The following FBXL17 variants were observed in gnomAD, a reference collection of about 807,000 sequenced individuals.
The protein encoded by FBXL17 is F-box and leucine rich repeat protein 17.
Under a neutral mutation model 66.2 loss-of-function variants are expected in FBXL17, and 22 were observed. That is an observed-to-expected ratio of 0.33 (90% confidence interval 0.24 to 0.47). FBXL17 has a LOEUF of 0.47. Ranked by LOEUF, FBXL17 falls within the 20% of genes least tolerant of loss-of-function variation. The pLI is 1.00. For synonymous variants in FBXL17, 474 were observed against 400.5 expected (o/e 1.18, Z -2.19); for missense variants, 878 against 948.2 (o/e 0.93, Z 0.97).
At chr5:108,070,496 GTA>G (rs1339845916) in intron 6 of FBXL17, among the ~76,000 whole-genome samples, 3 of 152,124 alleles carry the variant, frequency 2.0e-5, no homozygotes, top group Non-Finnish European at 2.9e-5. Flanking sequence ...CTTAATAAGG[GTA>G]TACCTTATCA....
intron 7 of FBXL17, among the ~76,000 whole-genome samples, chr5:107,944,263 C>G (rs533869508): frequency 1.1e-4 from 16 of 152,298 alleles, no homozygotes; most frequent in Middle Eastern, 3.4e-3. Context: ...GAGGACCTGA[C>G]TTAAATATAC....
intron 3 of FBXL17, among the ~76,000 whole-genome samples, chr5:108,351,264 G>T (rs1747636782): frequency 6.6e-6 from 1 of 152,052 alleles, no homozygotes; most frequent in Non-Finnish European, 1.5e-5. Context: ...AAGGATGAGA[G>T]GATAAGACAC....
chr5:108,351,938 A>G (rs993310436), intron 3 of FBXL17, among the ~76,000 whole-genome samples: 2 of 152,236 alleles, frequency 1.3e-5, no homozygotes, highest in African/African-American at 4.8e-5. Flanking sequence ...CTGGGAAAAT[A>G]ATTTAAACTG....
chr5:108,263,646 T>C (rs1045087923), intron 4 of FBXL17, among the ~76,000 whole-genome samples: 7 of 152,220 alleles, frequency 4.6e-5, no homozygotes, highest in African/African-American at 1.7e-4. Context: ...CCACATCACA[T>C]TATATTTGTT....
intron 7 of FBXL17, among the ~76,000 whole-genome samples, chr5:107,922,637 T>C (rs998358317): frequency 1.4e-4 from 22 of 152,224 alleles, no homozygotes; most frequent in Admixed American, 1.3e-3. Context: ...GATCATAAAT[T>C]GTTTTAAAAT....
At position 107,943,954 on chromosome 5, in the gene FBXL17, C is replaced by CT. The variant is rs1176059642; in HGVS notation, c.1823-62776dup. Among the ~76,000 whole-genome samples, 4 of 152,316 alleles carry CT rather than the reference C, an allele frequency of 2.6e-5. No homozygotes were observed. In the East Asian group the frequency reaches 7.7e-4, roughly 29 times the overall value. ...GCCAAATGCAGCACTTCTGGCCACACTAAATAAACCCCTGATCTTGAAGGT... is the reference window on the plus strand; with the variant it reads ...GCCAAATGCAGCACTTCTGGCCACACTTAAATAAACCCCTGATCTTGAAGGT... On this transcript the variant is annotated intron_variant, in intron 7 of 8. Transcript: ENST00000542267.
chr5:107,903,033 CA>C (rs1749627505), intron 7 of FBXL17, among the ~76,000 whole-genome samples: 1 of 152,094 alleles, frequency 6.6e-6, no homozygotes, highest in Non-Finnish European at 1.5e-5. Flanking sequence ...TGTATTTCAT[CA>C]ACCTCTATAT....
chr5:108,358,044 T>C (rs1340547709), intron 3 of FBXL17, among the ~76,000 whole-genome samples: 1 of 152,178 alleles, frequency 6.6e-6, no homozygotes, highest in Non-Finnish European at 1.5e-5. Flanking sequence ...CCTGCCACTC[T>C]GCTGAAATCA....
chr5:108,369,677 T>TA (rs1561559841), intron 1 of FBXL17, among the ~76,000 whole-genome samples: 1 of 151,716 alleles, frequency 6.6e-6, no homozygotes, highest in Admixed American at 6.6e-5. Context: ...AGTTACATCA[T>TA]AAAAAGATGG....
At chr5:107,878,603 T>C (rs1748685732) in intron 8 of FBXL17, 2 of 984,804 alleles carry the variant, frequency 2.0e-6, no homozygotes, top group Non-Finnish European at 1.2e-6. Flanking sequence ...TTTCTTTTCT[T>C]TGTTACTCAT....
At chr5:108,249,587 C>T (rs1362735322) in intron 4 of FBXL17, among the ~76,000 whole-genome samples, 1 of 152,072 alleles carries the variant, frequency 6.6e-6, no homozygotes, top group East Asian at 1.9e-4. Context: ...AAAGGCCATA[C>T]ACTTGTATAA....
intron 4 of FBXL17, among the ~76,000 whole-genome samples, chr5:108,250,968 T>C (rs960066444): frequency 1.3e-5 from 2 of 152,030 alleles, no homozygotes; most frequent in Non-Finnish European, 2.9e-5. Flanking sequence ...CAAAATTATA[T>C]AATCAATTCC....
At chr5:107,916,939 T>C (rs114764877) in intron 7 of FBXL17, among the ~76,000 whole-genome samples, 8 of 152,332 alleles carry the variant, frequency 5.3e-5, no homozygotes, top group Non-Finnish European at 8.8e-5. Flanking sequence ...CTGAGTATGA[T>C]CAAAGGTGTA....
chr5:108,025,734 C>A (rs1277023341), intron 6 of FBXL17, among the ~76,000 whole-genome samples: 1 of 149,086 alleles, frequency 6.7e-6, no homozygotes, highest in Middle Eastern at 3.5e-3. Flanking sequence ...CGCGCACACA[C>A]ACACACACAC....
chr5:108,244,551 G>A (rs1483530958), intron 4 of FBXL17, among the ~76,000 whole-genome samples: 3 of 152,140 alleles, frequency 2.0e-5, no homozygotes, highest in African/African-American at 4.8e-5. Flanking sequence ...ACTATTCAAT[G>A]TACAAACACT....
chr5:108,366,726 T>A (rs1391748806), intron 2 of FBXL17, among the ~76,000 whole-genome samples: 4 of 152,078 alleles, frequency 2.6e-5, no homozygotes, highest in Admixed American at 6.6e-5. Flanking sequence ...ACCATTCTCC[T>A]TGGATATAAA....
intron 5 of FBXL17, among the ~76,000 whole-genome samples, chr5:108,190,544 T>C (rs1200621129): frequency 6.6e-6 from 1 of 152,222 alleles, no homozygotes; most frequent in Admixed American, 6.5e-5. Flanking sequence ...TACTTGTCAA[T>C]AGTCACATGC....
At chr5:108,267,976 T>C (rs1757114802) in intron 4 of FBXL17, among the ~76,000 whole-genome samples, 1 of 152,110 alleles carries the variant, frequency 6.6e-6, no homozygotes, top group South Asian at 2.1e-4. Context: ...TGATGTAAAA[T>C]GCAAAAGGTA....
At chr5:107,935,150 T>A (rs1442309160) in intron 7 of FBXL17, among the ~76,000 whole-genome samples, 1 of 152,108 alleles carries the variant, frequency 6.6e-6, no homozygotes, top group East Asian at 1.9e-4. Flanking sequence ...ATTTCCTTAC[T>A]GAAGATGCAA....
Sources: gnomAD v4.1 joint callset for allele counts (sites outside exome capture counted in the v4.1 genomes callset) on GRCh38, gnomAD v4.1.1 for gene constraint, MANE v1.5 for transcripts, NCBI Gene and HGNC (gene_info 2026-07-23, HGNC 2026-07-21) for gene names.